Variants in FRA10AC1 observed in about 807,000 individuals in gnomAD.
FRA10AC1 encodes the protein FRA10A associated CGG repeat 1.
Under a neutral mutation model 56.5 loss-of-function variants are expected in FRA10AC1, and 43 were observed. The observed-to-expected ratio is 0.76, with a 90% confidence interval of 0.60 to 0.98. The LOEUF (loss-of-function observed/expected upper bound fraction) is 0.98, where lower values mean the gene tolerates loss of function less well. FRA10AC1 is among the 50% of genes least tolerant of loss of function. The pLI, the probability that FRA10AC1 is intolerant of heterozygous loss-of-function variation, is 0.00. For synonymous variants in FRA10AC1, 112 were observed against 110.5 expected (o/e 1.01, Z -0.09); for missense variants, 346 against 351.8 (o/e 0.98, Z 0.13).
At position 93,672,067 on chromosome 10, in the gene FRA10AC1, C is replaced by A. The variant is rs527572686; in HGVS notation, c.827-1219G>T. On this transcript the variant is annotated intron_variant, in intron 12 of 13. Coordinates refer to ENST00000359204, the MANE Select transcript of FRA10AC1 (RefSeq NM_145246.5). ...AAAGTAGTTACATTAGCAGACAACTCCTCTCCAATAATGATTATTAGTCTA... is the reference window on the plus strand; with the variant it reads ...AAAGTAGTTACATTAGCAGACAACTACTCTCCAATAATGATTATTAGTCTA... 47 of 451,122 alleles carry A rather than the reference C, an allele frequency of 1.0e-4. 2 individuals carry two copies. The highest frequency in any genetic ancestry group is 7.5e-4 in the South Asian group (47 of 62,740). 27.9% of individuals were successfully genotyped at this position (451,122 alleles called of 1,614,324 possible). A position where few individuals can be genotyped will look rare whatever the true frequency, so the allele number is the denominator to read the frequency against.
intron 11 of FRA10AC1, among the ~76,000 whole-genome samples, chr10:93,680,868 C>G (rs895580936): frequency 2.6e-5 from 4 of 152,080 alleles, no homozygotes; most frequent in Non-Finnish European, 4.4e-5. Context: ...TGAGTCTTAG[C>G]GAGCTTAAGG....
chr10:93,701,703 A>G (rs577736099), intron 1 of FRA10AC1, among the ~76,000 whole-genome samples: 1 of 151,950 alleles, frequency 6.6e-6, no homozygotes, highest in Admixed American at 6.6e-5. Context: ...TTTTAGGTCA[A>G]CTCCAGCTGT....
intron 11 of FRA10AC1, among the ~76,000 whole-genome samples, chr10:93,680,405 T>C (rs867195600): frequency 1.3e-5 from 2 of 152,248 alleles, no homozygotes; most frequent in Middle Eastern, 3.4e-3. Flanking sequence ...AAAATAACAA[T>C]ATCTTCCTCT....
intron 13 of FRA10AC1, 133 bp from the exon 14 acceptor site, chr10:93,670,001 G>A (rs2058736546): frequency 2.0e-6 from 1 of 500,388 alleles, no homozygotes; most frequent in Non-Finnish European, 3.5e-6. Context: ...TCAATATATT[G>A]CCATGATTCA....
rs73312804 is a variant in FRA10AC1 at position 93,692,626 on chromosome 10, C to T, written c.380+20G>A. The T allele has an allele frequency of 1.2e-3, 1,743 of 1,486,524 alleles. 11 individuals are homozygous for T. In the African/African-American group the frequency reaches 0.02, roughly 17 times the overall value. 92.1% of individuals were successfully genotyped at this position (1,486,524 alleles called of 1,614,324 possible). ...CAGGACTAAAGCATTTGATGCATTA[C>T]GCCTCTGATGGCTAATTACCAAGTC... On this transcript the variant is annotated intron_variant, in intron 6 of 13. Coordinates refer to ENST00000359204, the MANE Select transcript of FRA10AC1 (RefSeq NM_145246.5).
intron 10 of FRA10AC1, among the ~76,000 whole-genome samples, chr10:93,683,542 G>A (rs961097871): frequency 3.3e-5 from 5 of 152,140 alleles, no homozygotes; most frequent in Middle Eastern, 3.4e-3. Context: ...GTAGAGACAG[G>A]GTTTTACCAT....
At position 93,673,266 on chromosome 10, in the gene FRA10AC1, C is replaced by T. The variant is rs556114260; in HGVS notation, c.827-2418G>A. 2.0e-5 allele frequency: 9 copies of T among 453,788 alleles called. No individual in the cohort carries two copies. The East Asian group carries it at 6.3e-4, about 32-fold the overall frequency. 28.1% of individuals were successfully genotyped at this position (453,788 alleles called of 1,614,324 possible). A position where few individuals can be genotyped will look rare whatever the true frequency, so the allele number is the denominator to read the frequency against. On this transcript the variant is annotated intron_variant, in intron 12 of 13. Coordinates refer to ENST00000359204, the MANE Select transcript of FRA10AC1 (RefSeq NM_145246.5). ...AAAAAATAAGTCTCCTACATAGTAGCAGCCTTGCAAATATCCATACAGTAA... is the reference window on the plus strand; with the variant it reads ...AAAAAATAAGTCTCCTACATAGTAGTAGCCTTGCAAATATCCATACAGTAA...
rs961208323 is a variant in FRA10AC1 at position 93,683,072 on chromosome 10, G to A, written c.668+984C>T. ...CCTGACCATCACAAAGGCAAGTTGC[G>A]AAGAATCAGTGTGAACATCTTTAAT... On this transcript the variant is annotated intron_variant, in intron 10 of 13. Transcript: ENST00000359204. Among the ~76,000 whole-genome samples the A allele has an allele frequency of 5.9e-5, 9 of 152,258 alleles. No individual in the cohort carries two copies. The East Asian group carries it at 7.7e-4, about 13-fold the overall frequency.
chr10:93,692,436 T>G (rs996006861), intron 6 of FRA10AC1, among the ~76,000 whole-genome samples: 20 of 152,216 alleles, frequency 1.3e-4, no homozygotes, highest in African/African-American at 4.8e-4. Flanking sequence ...AAAAGAATGT[T>G]ATTTTTTTGA....
chr10:93,685,839 G>T (rs2059017812), intron 8 of FRA10AC1, among the ~76,000 whole-genome samples: 1 of 151,690 alleles, frequency 6.6e-6, no homozygotes, highest in Non-Finnish European at 1.5e-5. Context: ...TTAGCATAAT[G>T]ACATTTATTT....
At chr10:93,687,087 AG>A (rs1228036382) in intron 8 of FRA10AC1, among the ~76,000 whole-genome samples, 3 of 151,950 alleles carry the variant, frequency 2.0e-5, no homozygotes, top group African/African-American at 7.2e-5. Context: ...TAATAAAGAA[AG>A]GAAAAAAATA....
rs2059349521 is a variant in FRA10AC1 at position 93,702,394 on chromosome 10, G to A, written c.-20C>T. ...ACACACCCTTTCCCTTCCTCCCTGTGTGCCAAGTTCGCCCCCGGAGTCGTC... is the reference window on the plus strand; with the variant it reads ...ACACACCCTTTCCCTTCCTCCCTGTATGCCAAGTTCGCCCCCGGAGTCGTC... On this transcript the variant is annotated 5_prime_UTR_variant, in exon 1 of 14. Transcript: ENST00000359204. The A allele has an allele frequency of 6.2e-6, 1 of 162,310 alleles. No homozygotes were observed. Among genetic ancestry groups the A allele is most frequent in the Admixed American group, 6.5e-5 (1 of 15,472 alleles). 10.1% of individuals were successfully genotyped at this position (162,310 alleles called of 1,614,324 possible). A position where few individuals can be genotyped will look rare whatever the true frequency, so the allele number is the denominator to read the frequency against.
At chr10:93,677,352 C>T (rs954340194) in intron 11 of FRA10AC1, among the ~76,000 whole-genome samples, 3 of 152,152 alleles carry the variant, frequency 2.0e-5, no homozygotes, top group African/African-American at 7.2e-5. Context: ...ACAATTCCTC[C>T]AATGTTCCTG....
intron 12 of FRA10AC1, chr10:93,675,533 C>T: frequency 5.7e-6 from 1 of 176,112 alleles, no homozygotes; most frequent in South Asian, 9.4e-5. Context: ...GGTGAAACCC[C>T]ATCTCTACTA....
chr10:93,683,722 A>G (rs1444808280), intron 10 of FRA10AC1, among the ~76,000 whole-genome samples: 2 of 152,214 alleles, frequency 1.3e-5, no homozygotes, highest in African/African-American at 4.8e-5. Context: ...CAGCTAAAAC[A>G]CTGTCTAAAT....
rs1447329236 is a variant in FRA10AC1, at chr10:93,692,041, T to C, written c.433A>G (p.Ile145Val). Reference protein sequence around the residue: ...YYDKLFKEYCIADLSKYKENK... With the variant: ...YYDKLFKEYCVADLSKYKENK... ...TCTTTATATTTACTGAGATCTGCTA[T>C]GCAGTATTCCTTAAATAATTTATCA... The change falls in exon 7 of 14, where the codon ATA becomes GTA. Residue 145 changes from isoleucine (I) to valine (V), a missense_variant. Transcript: ENST00000359204. 7.6e-6 allele frequency: 12 copies of C among 1,570,604 alleles called. No homozygotes were observed. The highest frequency in any genetic ancestry group is 9.5e-6 in the Non-Finnish European group (11 of 1,162,388).
chr10:93,670,871 T>C (rs1261908996), intron 12 of FRA10AC1, 23 bp from the exon 13 acceptor site: 2 of 1,530,934 alleles, frequency 1.3e-6, no homozygotes, highest in Non-Finnish European at 1.8e-6. Context: ...AAAAGATGAT[T>C]TTTAAAAACC....
chr10:93,671,745 T>A, intron 12 of FRA10AC1: 1 of 279,012 alleles, frequency 3.6e-6, no homozygotes, highest in South Asian at 3.5e-5. Context: ...TAAAAACATA[T>A]GCACATTATA....
Position 93,670,774 on chromosome 10 carries a change from A to T in FRA10AC1, c.901T>A (p.Ser301Thr), listed in dbSNP as rs1201531590. Residue 301 changes from serine (S) to threonine (T), a missense_variant, in exon 13 of 14, where the codon TCA becomes ACA. Transcript: ENST00000359204. The stretch of plus-strand genomic sequence containing the variant: ...TCTATTAATATCAGCACTTACTGTG[A>T]TTTTTCATCTGTCTCTGGTAGTGGA... ...KGPLPETDEK[S>T]QEEEFDEYFQ... 6.2e-7 allele frequency: 1 copy of T among 1,601,824 alleles called. No homozygotes were observed. Among genetic ancestry groups the T allele is most frequent in the Non-Finnish European group, 8.6e-7 (1 of 1,169,512 alleles).
Sources: gnomAD v4.1 joint callset for allele counts (sites outside exome capture counted in the v4.1 genomes callset) on GRCh38, gnomAD v4.1.1 for gene constraint, MANE v1.5 for transcripts, NCBI Gene and HGNC (gene_info 2026-07-23, HGNC 2026-07-21) for gene names.